SEMA6D: variants seen among roughly 807,000 people sequenced by gnomAD.
The protein encoded by SEMA6D is semaphorin-6D.
In SEMA6D, 35 loss-of-function variants were observed where a neutral mutation model predicts 106.6. That is an observed-to-expected ratio of 0.33 (90% CI 0.25 to 0.44). The LOEUF is 0.44. Among genes scored for constraint, SEMA6D ranks in the 20% least tolerant of loss-of-function variants. SEMA6D has a pLI of 1.00. For synonymous variants in SEMA6D, 499 were observed against 487.7 expected (o/e 1.02, Z -0.31); for missense variants, 1,185 against 1,345.9 (o/e 0.88, Z 1.87).
intron 4 of SEMA6D, among the ~76,000 whole-genome samples, chr15:47,681,609 A>C (rs1471078661): frequency 6.6e-6 from 1 of 152,240 alleles, no homozygotes. Context: ...ATTTAGCAAA[A>C]TAAAAAAATA....
rs1491320146 is a variant in SEMA6D at position 47,494,742 on chromosome 15, A to AT, written c.-87+24198dup. ...TAAAAATCTGGAGAGTGGGATGGAG[A>AT]TATATATATATATATATATATATAT... On this transcript the variant is annotated intron_variant, in intron 3 of 19. Coordinates refer to the SEMA6D transcript ENST00000558014. 8.2e-4 allele frequency among the ~76,000 whole-genome samples: 3 copies of AT among 3,658 alleles called. No homozygotes were observed. The South Asian group carries it at 0.022, about 27-fold the overall frequency. 2.4% of individuals were successfully genotyped at this position (3,658 alleles called of 152,430 possible). A position where few individuals can be genotyped will look rare whatever the true frequency, so the allele number is the denominator to read the frequency against.
intron 1 of SEMA6D, among the ~76,000 whole-genome samples, chr15:47,291,482 G>A (rs1055890146): frequency 6.6e-6 from 1 of 152,122 alleles, no homozygotes; most frequent in African/African-American, 2.4e-5. Context: ...GATGACTGGA[G>A]CCTTTAGGAA....
chr15:47,440,292 T>C (rs989518983), intron 2 of SEMA6D, among the ~76,000 whole-genome samples: 2 of 125,706 alleles, frequency 1.6e-5, no homozygotes, highest in Non-Finnish European at 3.2e-5. Context: ...GAGATTATCC[T>C]CACCATCAGT....
intron 1 of SEMA6D, among the ~76,000 whole-genome samples, chr15:47,741,685 G>A (rs1256694092): frequency 6.6e-6 from 1 of 152,042 alleles, no homozygotes; most frequent in African/African-American, 2.4e-5. Flanking sequence ...TTGCGCTCCA[G>A]CCTGGGCAAC....
At chr15:47,284,470 G>A (rs1002265980) in intron 1 of SEMA6D, among the ~76,000 whole-genome samples, 8 of 152,150 alleles carry the variant, frequency 5.3e-5, no homozygotes, top group Middle Eastern at 3.2e-3. Context: ...TGTACTATGA[G>A]TCTATTAGTA....
chr15:47,207,931 G>T (rs896609481), intron 1 of SEMA6D, among the ~76,000 whole-genome samples: 1 of 147,972 alleles, frequency 6.8e-6, no homozygotes, highest in Non-Finnish European at 1.5e-5. Context: ...AACATCAGAG[G>T]TACCAATAAT....
chr15:47,499,325 A>C (rs763093553), intron 3 of SEMA6D, among the ~76,000 whole-genome samples: 4 of 151,526 alleles, frequency 2.6e-5, no homozygotes, highest in Non-Finnish European at 5.9e-5. Flanking sequence ...CATTTAACCA[A>C]CCTCCCCTTT....
intron 3 of SEMA6D, among the ~76,000 whole-genome samples, chr15:47,580,509 C>A (rs564161871): frequency 4.6e-5 from 7 of 152,156 alleles, no homozygotes; most frequent in South Asian, 2.1e-4. Flanking sequence ...ATTGTTGAAA[C>A]CCTTCTTATT....
chr15:47,318,899 T>A (rs2036806823), intron 1 of SEMA6D, among the ~76,000 whole-genome samples: 1 of 151,696 alleles, frequency 6.6e-6, no homozygotes, highest in South Asian at 2.1e-4. Context: ...GTAAAAGTGT[T>A]CCTATTTCTC....
chr15:47,360,876 A>C (rs924994201), intron 1 of SEMA6D, among the ~76,000 whole-genome samples: 3 of 152,252 alleles, frequency 2.0e-5, no homozygotes, highest in African/African-American at 7.2e-5. Context: ...ATTTTGTCAG[A>C]GGGATATAGT....
intron 3 of SEMA6D, among the ~76,000 whole-genome samples, chr15:47,542,583 C>G (rs2045389580): frequency 6.6e-6 from 1 of 152,136 alleles, no homozygotes; most frequent in Non-Finnish European, 1.5e-5. Context: ...CTAGAGGTTT[C>G]AGTATTCCTA....
chr15:47,712,889 T>A (rs2079046161), upstream of SEMA6D, among the ~76,000 whole-genome samples: 2 of 152,260 alleles, frequency 1.3e-5, no homozygotes, highest in African/African-American at 4.8e-5. Context: ...AAAGTACAGA[T>A]AAGCACAATT....
At chr15:47,536,611 C>G (rs2045176232) in intron 3 of SEMA6D, among the ~76,000 whole-genome samples, 1 of 152,160 alleles carries the variant, frequency 6.6e-6, no homozygotes, top group Non-Finnish European at 1.5e-5. Context: ...AAAAATATAT[C>G]TTATTATTGG....
chr15:47,716,579 C>G (rs141676418), upstream of SEMA6D, among the ~76,000 whole-genome samples: 13 of 152,238 alleles, frequency 8.5e-5, no homozygotes, highest in East Asian at 2.5e-3. Flanking sequence ...CCTCAGTGAT[C>G]CATAATTCAA....
At chr15:47,301,642 G>A (rs915241075) in intron 1 of SEMA6D, among the ~76,000 whole-genome samples, 4 of 152,226 alleles carry the variant, frequency 2.6e-5, no homozygotes, top group Non-Finnish European at 5.9e-5. Flanking sequence ...AGCTCTGGCT[G>A]CTGGGCCACA....
intron 3 of SEMA6D, among the ~76,000 whole-genome samples, chr15:47,589,578 C>A (rs931153636): frequency 6.6e-6 from 1 of 152,372 alleles, no homozygotes; most frequent in Admixed American, 6.5e-5. Context: ...AAAAAACACT[C>A]CAAGTTTCTA....
chr15:47,294,309 T>A (rs1018228216), intron 1 of SEMA6D, among the ~76,000 whole-genome samples: 19 of 152,078 alleles, frequency 1.2e-4, no homozygotes, highest in African/African-American at 4.1e-4. Flanking sequence ...CTGCAACCTC[T>A]ACCTCCCAGG....
chr15:47,445,054 A>G (rs772205710), intron 2 of SEMA6D, among the ~76,000 whole-genome samples: 5 of 152,050 alleles, frequency 3.3e-5, no homozygotes, highest in Non-Finnish European at 5.9e-5. Flanking sequence ...CCAGCAAACA[A>G]TCTTCTCTCC....
intron 2 of SEMA6D, among the ~76,000 whole-genome samples, chr15:47,465,116 T>G (rs989168053): frequency 6.6e-6 from 1 of 152,148 alleles, no homozygotes; most frequent in Non-Finnish European, 1.5e-5. Flanking sequence ...TAGAACATAG[T>G]AGGTACTCGA....
Sources: allele counts gnomAD v4.1 joint callset (sites outside exome capture counted in the v4.1 genomes callset), GRCh38; gene constraint gnomAD v4.1.1; transcripts MANE v1.5; gene names NCBI Gene and HGNC (gene_info 2026-07-23, HGNC 2026-07-21).